MOXD1: variants seen among roughly 807,000 people sequenced by gnomAD.
MOXD1 encodes the protein DBH-like monooxygenase protein 1.
MOXD1 carries 62 observed loss-of-function variants against 66.6 expected under a neutral mutation model. That is an observed-to-expected ratio of 0.93 (90% CI 0.76 to 1.15). MOXD1 has a LOEUF of 1.15. Ranked by LOEUF, MOXD1 falls within the 50% of genes most tolerant of loss-of-function variation. MOXD1 has a pLI of 0.00. For synonymous variants in MOXD1, 303 were observed against 281.9 expected (o/e 1.07, Z -0.75); for missense variants, 847 against 754.6 (o/e 1.12, Z -1.44).
At position 132,345,260 on chromosome 6, in the gene MOXD1, T is replaced by C. The variant is rs538805313; in HGVS notation, c.664-16666A>G. On this transcript the variant is annotated intron_variant, in intron 4 of 11. Transcript: ENST00000367963. ...CAGATAACATAGAAAAATACTATCA[T>C]GTTGTTGGATTCAGTGTTATAGTGT... Among the ~76,000 whole-genome samples, 7 of 152,320 alleles carry C rather than the reference T, an allele frequency of 4.6e-5. No individual in the cohort carries two copies. In the East Asian group the frequency reaches 1.3e-3, roughly 29 times the overall value.
Position 132,328,149 on chromosome 6 carries a change from A to T in MOXD1, c.844-34T>A, listed in dbSNP as rs560081252. ...GGAAAATGCCATGAGACAATGTCCT[A>T]TGAAAGTCCCTGAGAGCTCTATTCC... On this transcript the variant is annotated intron_variant, in intron 5 of 11. Coordinates refer to ENST00000367963, the MANE Select transcript of MOXD1 (RefSeq NM_015529.4). 4 of 1,563,416 alleles carry T rather than the reference A, an allele frequency of 2.6e-6. No individual in the cohort carries two copies. In the East Asian group the frequency reaches 6.7e-5, roughly 26 times the overall value.
intron 4 of MOXD1, among the ~76,000 whole-genome samples, chr6:132,339,116 G>A (rs1775498899): frequency 6.6e-6 from 1 of 152,052 alleles, no homozygotes; most frequent in Non-Finnish European, 1.5e-5. Context: ...ATATATATTT[G>A]TGAGTGCCAT....
intron 4 of MOXD1, among the ~76,000 whole-genome samples, chr6:132,331,069 T>G (rs1775307314): frequency 6.6e-6 from 1 of 152,194 alleles, no homozygotes; most frequent in African/African-American, 2.4e-5. Context: ...GTAGTTATCG[T>G]TCAAGCATGG....
chr6:132,327,227 T>G (rs1047288852), intron 6 of MOXD1, among the ~76,000 whole-genome samples: 4 of 152,226 alleles, frequency 2.6e-5, no homozygotes, highest in Non-Finnish European at 5.9e-5. Flanking sequence ...GTTAGGTATC[T>G]TCTTTGGACC....
At chr6:132,304,737 A>C (rs1290679400) in intron 10 of MOXD1, among the ~76,000 whole-genome samples, 1 of 152,212 alleles carries the variant, frequency 6.6e-6, no homozygotes, top group Non-Finnish European at 1.5e-5. Context: ...ACCAATAAAC[A>C]TGTGAAAGAG....
At chr6:132,304,482 C>A (rs1165574750) in intron 10 of MOXD1, among the ~76,000 whole-genome samples, 1 of 152,114 alleles carries the variant, frequency 6.6e-6, no homozygotes, top group African/African-American at 2.4e-5. Context: ...GATATAAAAC[C>A]AAGAATGGGC....
intron 8 of MOXD1, 28 bp from the exon 9 acceptor site, chr6:132,320,716 A>G: frequency 6.3e-7 from 1 of 1,584,656 alleles, no homozygotes; most frequent in Non-Finnish European, 8.6e-7. Context: ...AAGCTTTCAG[A>G]TTGAAGTTTT....
At chr6:132,393,896 C>G (rs759954981) in intron 1 of MOXD1, among the ~76,000 whole-genome samples, 1 of 152,174 alleles carries the variant, frequency 6.6e-6, no homozygotes, top group African/African-American at 2.4e-5. Flanking sequence ...GACTGAGGAC[C>G]AGCTTGCCCA....
chr6:132,299,891 T>C (rs56261825), intron 10 of MOXD1, among the ~76,000 whole-genome samples: 28,770 of 144,624 alleles, frequency 0.2, 2,844 homozygotes, highest in African/African-American at 0.23. Context: ...TCTCTCTCCC[T>C]CTCTCTCTCT....
rs774909887 is a variant in MOXD1 at position 132,322,884 on chromosome 6, C to A, written c.1114-14G>T. 3.1e-6 allele frequency: 5 copies of A among 1,599,296 alleles called. No individual in the cohort carries two copies. The Admixed American group carries it at 8.8e-5, about 28-fold the overall frequency. ...GGCTTCCAGAGCCTACAGGAGACAC[C>A]GAGGAAGACCCGATTAGCCCACATT... On this transcript the variant is annotated splice_polypyrimidine_tract_variant and intron_variant, in intron 7 of 11. Coordinates refer to ENST00000367963, the MANE Select transcript of MOXD1 (RefSeq NM_015529.4).
intron 1 of MOXD1, among the ~76,000 whole-genome samples, chr6:132,382,561 G>C (rs151246344): frequency 6.6e-6 from 1 of 152,000 alleles, no homozygotes; most frequent in Non-Finnish European, 1.5e-5. Flanking sequence ...AAAATTACTT[G>C]TTACACCTGA....
intron 4 of MOXD1, among the ~76,000 whole-genome samples, chr6:132,353,277 A>T (rs1236775795): frequency 6.6e-6 from 1 of 152,016 alleles, no homozygotes; most frequent in Non-Finnish European, 1.5e-5. Context: ...TATGCTTTCA[A>T]GAGGTTCTGT....
intron 9 of MOXD1, among the ~76,000 whole-genome samples, chr6:132,317,185 G>A (rs1774977955): frequency 6.6e-6 from 1 of 152,080 alleles, no homozygotes; most frequent in Admixed American, 6.6e-5. Context: ...CAAGAATTCT[G>A]TATCCAGCAA....
chr6:132,354,362 T>C (rs1307631367), intron 4 of MOXD1, among the ~76,000 whole-genome samples: 1 of 152,172 alleles, frequency 6.6e-6, no homozygotes, highest in Non-Finnish European at 1.5e-5. Context: ...AATATAGTAC[T>C]CTCCCCTTTT....
At chr6:132,305,768 G>C (rs1217849964) in intron 10 of MOXD1, among the ~76,000 whole-genome samples, 1 of 152,036 alleles carries the variant, frequency 6.6e-6, no homozygotes, top group East Asian at 1.9e-4. Flanking sequence ...TACAGAAGAG[G>C]GACCTGACTG....
At chr6:132,368,261 G>T (rs909981353) in intron 4 of MOXD1, among the ~76,000 whole-genome samples, 2 of 151,990 alleles carry the variant, frequency 1.3e-5, no homozygotes, top group Non-Finnish European at 2.9e-5. Flanking sequence ...TAAATTTACG[G>T]TAAAGTCACA....
intron 1 of MOXD1, among the ~76,000 whole-genome samples, chr6:132,375,338 T>C (rs529771766): frequency 6.6e-6 from 1 of 152,340 alleles, no homozygotes; most frequent in South Asian, 2.1e-4. Context: ...GAAACAAAAC[T>C]AGTTGAATTA....
chr6:132,327,183 C>A (rs1464866685), intron 6 of MOXD1, among the ~76,000 whole-genome samples: 1 of 152,188 alleles, frequency 6.6e-6, no homozygotes, highest in African/African-American at 2.4e-5. Context: ...ACACTCCTGG[C>A]TGGATTAGGT....
chr6:132,401,127 C>T, intron 1 of MOXD1, 36 bp downstream of exon 1: 1 of 1,465,322 alleles, frequency 6.8e-7, no homozygotes, highest in South Asian at 1.4e-5. Flanking sequence ...CGGGACCGGG[C>T]TCGGCCGGGC....
Sources: allele counts gnomAD v4.1 joint callset (sites outside exome capture counted in the v4.1 genomes callset), GRCh38; gene constraint gnomAD v4.1.1; transcripts MANE v1.5; gene names NCBI Gene and HGNC (gene_info 2026-07-23, HGNC 2026-07-21).